The following OR8J3 variants were observed in gnomAD, a reference collection of about 807,000 sequenced individuals.
The protein encoded by OR8J3 is olfactory receptor family 8 subfamily J member 3.
For synonymous variants in OR8J3, 170 were observed against 142.6 expected, an observed-to-expected ratio of 1.19 and a Z score of -1.37; for missense variants, 418 against 379.8, an observed-to-expected ratio of 1.10 and a Z score of -0.84.
chr11:56,138,370 A>G lies in OR8J3; in HGVS notation c.-652T>C, dbSNP rs972970856. 4.6e-5 allele frequency: 7 copies of G among 152,094 alleles called. No individual in the cohort carries two copies. The highest frequency in any genetic ancestry group is 1.4e-4 in the African/African-American group (6 of 41,404). The allele number at this position is 152,094 out of a possible 1,614,324, so 9.4% of individuals were successfully genotyped here. ...TTCTCTTCTTAGGTTTCCATAAATA[A>G]TATCAGTAAAATTTTGTGCAGGCGT... is the stretch of plus-strand genomic sequence containing the variant. On this transcript the variant is annotated 5_prime_UTR_variant, in exon 2 of 2. Transcript: ENST00000642058.
intron 1 of OR8J3, among the ~76,000 whole-genome samples, 184 bp from the exon 2 acceptor site, chr11:56,138,681 G>C (rs1339217002): frequency 1.1e-5 from 1 of 89,870 alleles, no homozygotes; most frequent in African/African-American, 3.9e-5. Flanking sequence ...GCGACAGAGC[G>C]AGACTCCGTC....
chr11:56,137,758 A>C lies in OR8J3; in HGVS notation c.-40T>G, dbSNP rs775252402. 2 of 1,512,620 alleles carry C rather than the reference A, an allele frequency of 1.3e-6. No homozygotes were observed. Among genetic ancestry groups the C allele is most frequent in the East Asian group, 4.5e-5 (2 of 44,270 alleles). The allele number at this position is 1,512,620 out of a possible 1,614,324, so 93.7% of individuals were successfully genotyped here. A position where few individuals can be genotyped will look rare whatever the true frequency, so the allele number is the denominator to read the frequency against. ...ATTCATCTGTTTGAGGAAGAAAATAAGTGGTTATAGACGTTAAGGAATCAT... is the reference window on the plus strand; with the variant it reads ...ATTCATCTGTTTGAGGAAGAAAATACGTGGTTATAGACGTTAAGGAATCAT... On this transcript the variant is annotated 5_prime_UTR_variant, in exon 2 of 2. Transcript: ENST00000642058.
intron 1 of OR8J3, among the ~76,000 whole-genome samples, chr11:56,138,797 T>C (rs1025772199): frequency 6.6e-6 from 1 of 152,194 alleles, no homozygotes; most frequent in African/African-American, 2.4e-5. Flanking sequence ...TGACTATTCT[T>C]TTCCTTGTGC....
In OR8J3 at chr11:56,137,494, A is replaced by G; in HGVS notation, c.225T>C (p.Thr75=). The change falls in exon 2 of 2, where the codon ACT becomes ACC. Residue 75 remains threonine (T), a synonymous_variant. Transcript: ENST00000642058. Reference sequence around the variant, plus strand: ...TCATCAGCATTTTAGGGGCAATGACAGTAGAGTTGCCAAGATTGATGATAG... The same window carrying G: ...TCATCAGCATTTTAGGGGCAATGACGGTAGAGTTGCCAAGATTGATGATAG... ...HLAIINLGNS[T]VIAPKMLMNF... is the part of the protein sequence containing the mutation. 1.2e-6 allele frequency: 2 copies of G among 1,614,256 alleles called. No homozygotes were observed. Among genetic ancestry groups the G allele is most frequent in the Non-Finnish European group, 1.7e-6 (2 of 1,180,052 alleles).
In OR8J3 at chr11:56,136,388, A is replaced by C. The variant is rs1590752884; in HGVS notation, c.*383T>G. On this transcript the variant is annotated 3_prime_UTR_variant, in exon 2 of 2. Coordinates refer to ENST00000642058, the MANE Select transcript of OR8J3 (RefSeq NM_001004064.2). ...AGTCATCTGTAGTTACAGTTTTTCA[A>C]GATGCAGGCATCCACTCTACCAATC... 1 of 153,276 alleles carries C rather than the reference A, an allele frequency of 6.5e-6. No individual in the cohort carries two copies. Among genetic ancestry groups the C allele is most frequent in the Admixed American group, 6.5e-5 (1 of 15,304 alleles). The allele number at this position is 153,276 out of a possible 1,614,324, so 9.5% of individuals were successfully genotyped here. A position where few individuals can be genotyped will look rare whatever the true frequency, so the allele number is the denominator to read the frequency against.
chr11:56,138,128 T>A lies in OR8J3; in HGVS notation c.-410A>T, dbSNP rs1854353994. The A allele has an allele frequency of 5.7e-6, 1 of 174,744 alleles. No homozygotes were observed. Among genetic ancestry groups the A allele is most frequent in the African/African-American group, 2.4e-5 (1 of 41,864 alleles). 10.8% of individuals were successfully genotyped at this position (174,744 alleles called of 1,614,324 possible). ...ATCGCCAAATAATCCAATGGCTACTTGCAATTTCCTAATCTGATAATTCTT... is the reference window on the plus strand; with the variant it reads ...ATCGCCAAATAATCCAATGGCTACTAGCAATTTCCTAATCTGATAATTCTT... On this transcript the variant is annotated 5_prime_UTR_variant, in exon 2 of 2. Transcript: ENST00000642058.
Position 56,137,683 on chromosome 11 carries a change from A to G in OR8J3, c.36T>C (p.Phe12=). 1 of 1,609,368 alleles carries G rather than the reference A, an allele frequency of 6.2e-7. No individual in the cohort carries two copies. The highest frequency in any genetic ancestry group is 8.5e-7 in the Non-Finnish European group (1 of 1,178,546). The part of the protein sequence containing the change: ...APENFTRVTE[F]ILTGVSSCPE... Reference sequence around the variant, plus strand: ...GACAGCTAGAGACACCTGTGAGAATAAACTCAGTGACCCTGGTGAAATTTT... The same window carrying G: ...GACAGCTAGAGACACCTGTGAGAATGAACTCAGTGACCCTGGTGAAATTTT... The change falls in exon 2 of 2, where the codon TTT becomes TTC. Residue 12 remains phenylalanine, a synonymous_variant. Coordinates refer to ENST00000642058, the MANE Select transcript of OR8J3 (RefSeq NM_001004064.2).
rs1007613732 is a variant in OR8J3, at chr11:56,134,767, G to C, written c.*2004C>G. On this transcript the variant is annotated 3_prime_UTR_variant, in exon 2 of 2. Transcript: ENST00000642058. Reference sequence around the variant, plus strand: ...TGTTTTAATATTTTTCCCTACTTTAGCATCAAAATAAAGTCATATTTTCTG... The same window carrying C: ...TGTTTTAATATTTTTCCCTACTTTACCATCAAAATAAAGTCATATTTTCTG... 6.6e-6 allele frequency: 1 copy of C among 151,886 alleles called. No individual in the cohort carries two copies. Among genetic ancestry groups the C allele is most frequent in the Non-Finnish European group, 1.5e-5 (1 of 67,906 alleles). 9.4% of individuals were successfully genotyped at this position (151,886 alleles called of 1,614,324 possible).
chr11:56,139,768 T>G (rs1303278930), intron 1 of OR8J3, among the ~76,000 whole-genome samples: 1 of 152,226 alleles, frequency 6.6e-6, no homozygotes, highest in Admixed American at 6.5e-5. Flanking sequence ...AATTGAAACC[T>G]AAAGGTGGAG....
In OR8J3 at chr11:56,138,496, T is replaced by C. The variant is rs2449138; in HGVS notation, c.-778A>G. The C allele has an allele frequency of 0.078, 11,883 of 151,982 alleles. 514 individuals carry two copies. The highest frequency in any genetic ancestry group is 0.085 in the Non-Finnish European group (5,750 of 68,004). The allele number at this position is 151,982 out of a possible 1,614,324, so 9.4% of individuals were successfully genotyped here. A position where few individuals can be genotyped will look rare whatever the true frequency, so the allele number is the denominator to read the frequency against. ...CCCTGGCTAACACAGTGAAACCCCT[T>C]TCTACAAACAAACAAACAAAAAAAA... On this transcript the variant is annotated splice_region_variant and 5_prime_UTR_variant, in exon 2 of 2. Transcript: ENST00000642058.
rs1217601575 is a variant in OR8J3, at chr11:56,136,966, G to A, written c.753C>T (p.Phe251=). The A allele has an allele frequency of 6.2e-7, 1 of 1,613,586 alleles. No homozygotes were observed. Among genetic ancestry groups the A allele is most frequent in the South Asian group, 1.1e-5 (1 of 90,944 alleles). ...AATACATAAATAGCATTGTCCCATA[G>A]AAAACCGTGACTGCTATCATATGCG... ...CASHMIAVTV[F]YGTMLFMYLQ... Residue 251 remains phenylalanine (F), a synonymous_variant, in exon 2 of 2, where the codon TTC becomes TTT. Transcript: ENST00000642058.
Position 56,137,860 on chromosome 11 carries a change from A to T in OR8J3, c.-142T>A, listed in dbSNP as rs1381697270. Reference sequence around the variant, plus strand: ...TGTCATGTATTAATCTAATTCAGTTATTAAACTCAGTATTCTCAGTCTAAT... The same window carrying T: ...TGTCATGTATTAATCTAATTCAGTTTTTAAACTCAGTATTCTCAGTCTAAT... On this transcript the variant is annotated 5_prime_UTR_variant, in exon 2 of 2. Coordinates refer to ENST00000642058, the MANE Select transcript of OR8J3 (RefSeq NM_001004064.2). 1.5e-6 allele frequency: 1 copy of T among 671,880 alleles called. No homozygotes were observed. Among genetic ancestry groups the T allele is most frequent in the African/African-American group, 1.8e-5 (1 of 55,230 alleles). 41.6% of individuals were successfully genotyped at this position (671,880 alleles called of 1,614,324 possible).
rs758317522 is a variant in OR8J3 at position 56,139,670 on chromosome 11, T to G, written c.-780+503A>C. On this transcript the variant is annotated intron_variant, in intron 1 of 1. Transcript: ENST00000642058. Reference sequence around the variant, plus strand: ...AATAGGTAAAACAAACAAGATAATATACTAGGATAACCTGGGAGAGTACTA... The same window carrying G: ...AATAGGTAAAACAAACAAGATAATAGACTAGGATAACCTGGGAGAGTACTA... Among the ~76,000 whole-genome samples, 12 of 152,208 alleles carry G rather than the reference T, an allele frequency of 7.9e-5. 1 individual carries two copies. Among genetic ancestry groups the G allele is most frequent in the Admixed American group, 2.0e-4 (3 of 15,284 alleles).
Position 56,137,120 on chromosome 11 carries a change from A to G in OR8J3, c.599T>C (p.Phe200Ser). The G allele has an allele frequency of 6.2e-7, 1 of 1,613,304 alleles. No homozygotes were observed. Among genetic ancestry groups the G allele is most frequent in the Non-Finnish European group, 8.5e-7 (1 of 1,179,752 alleles). The stretch of plus-strand genomic sequence containing the variant: ...AACCAAATTTGTTGCTGCAGATATA[A>G]AGACTATTGTTTCTGGTATGTAAGT... Reference protein sequence around the residue: ...SDTYIPETIVFISAATNLVFS... With the variant: ...SDTYIPETIVSISAATNLVFS... The change falls in exon 2 of 2, where the codon TTT becomes TCT. Residue 200 changes from phenylalanine (F) to serine (S), a missense_variant. Physicochemically the swap from Phe to Ser is radical, Grantham distance 155. Coordinates refer to ENST00000642058, the MANE Select transcript of OR8J3 (RefSeq NM_001004064.2).
In OR8J3 at chr11:56,137,325, A is replaced by G; in HGVS notation, c.394T>C (p.Tyr132His). 6.2e-7 allele frequency: 1 copy of G among 1,614,106 alleles called. No homozygotes were observed. Among genetic ancestry groups the G allele is most frequent in the Non-Finnish European group, 8.5e-7 (1 of 1,180,002 alleles). Residue 132 changes from tyrosine to histidine, a missense_variant, in exon 2 of 2, where the codon TAC becomes CAC. Physicochemically the swap from Tyr to His is moderately conservative, Grantham distance 83 (BLOSUM62 2). Coordinates refer to ENST00000642058, the MANE Select transcript of OR8J3 (RefSeq NM_001004064.2). ...RYVAICNPLL[Y>H]MVVVSRRLCL... is the part of the protein sequence containing the mutation. ...AGCCGCCGAGACACCACCACCATGT[A>G]GAGCAGAGGGTTACAAATGGCCACA... is the stretch of plus-strand genomic sequence containing the variant.
chr11:56,138,688 C>T (rs532861492), intron 1 of OR8J3, among the ~76,000 whole-genome samples, 191 bp from the exon 2 acceptor site: 156 of 25,638 alleles, frequency 6.1e-3, no homozygotes, highest in African/African-American at 1.0e-2. Context: ...AGCGAGACTC[C>T]GTCTCAAAAA....
Position 56,136,775 on chromosome 11 carries a change from A to G in OR8J3, c.944T>C (p.Met315Thr), listed in dbSNP as rs762299271. 32 of 1,515,158 alleles carry G rather than the reference A, an allele frequency of 2.1e-5. No homozygotes were observed. In the Admixed American group the frequency reaches 5.7e-4, roughly 27 times the overall value. The allele number at this position is 1,515,158 out of a possible 1,614,324, so 93.9% of individuals were successfully genotyped here. Residue 315 changes from methionine (M) to threonine (T), a missense_variant, in exon 2 of 2, where the codon ATG becomes ACG. Met to Thr is a moderately conservative substitution (Grantham distance 81). Coordinates refer to ENST00000642058, the MANE Select transcript of OR8J3 (RefSeq NM_001004064.2). ...TTTATTTATAGAGCTCTAAAATTAC[A>G]TTGATTTAAAGGAGTAACATGGATT... ...MENPCYSFKSM is the reference protein window; with the variant it reads ...MENPCYSFKST
At position 56,137,672 on chromosome 11, in the gene OR8J3, C is replaced by A; in HGVS notation, c.47G>T (p.Gly16Val). 2 of 1,611,358 alleles carry A rather than the reference C, an allele frequency of 1.2e-6. No homozygotes were observed. The highest frequency in any genetic ancestry group is 1.7e-6 in the Non-Finnish European group (2 of 1,179,172). Reference protein sequence around the residue: ...FTRVTEFILTGVSSCPELQIP... With the variant: ...FTRVTEFILTVVSSCPELQIP... ...CTGGAGCTCTGGACAGCTAGAGACA[C>A]CTGTGAGAATAAACTCAGTGACCCT... Residue 16 changes from glycine (G) to valine (V), a missense_variant, in exon 2 of 2, where the codon GGT becomes GTT. Physicochemically the swap from Gly to Val is moderately radical, Grantham distance 109. Coordinates refer to ENST00000642058, the MANE Select transcript of OR8J3 (RefSeq NM_001004064.2).
In OR8J3 at chr11:56,137,635, G is replaced by A. The variant is rs267602993; in HGVS notation, c.84C>T (p.Phe28=). The A allele has an allele frequency of 6.2e-7, 1 of 1,614,230 alleles. No homozygotes were observed. Among genetic ancestry groups the A allele is most frequent in the South Asian group, 1.1e-5 (1 of 91,082 alleles). ...GCACATAGAGCACTAGGAAGACCAG[G>A]AAGAGGGGAATCTGGAGCTCTGGAC... ...SSCPELQIPL[F]LVFLVLYVLT... is the part of the protein sequence containing the mutation. The change falls in exon 2 of 2, where the codon TTC becomes TTT. Residue 28 remains phenylalanine (F), a synonymous_variant. Transcript: ENST00000642058.
Sources: gnomAD v4.1 joint callset for allele counts (sites outside exome capture counted in the v4.1 genomes callset) on GRCh38, gnomAD v4.1.1 for gene constraint, MANE v1.5 for transcripts, NCBI Gene and HGNC (gene_info 2026-07-23, HGNC 2026-07-21) for gene names.